Variants in UBE2V2 observed in about 807,000 individuals in gnomAD.
UBE2V2 encodes the protein ubiquitin conjugating enzyme E2 V2.
UBE2V2 carries 9 observed loss-of-function variants against 17.2 expected under a neutral mutation model. The observed-to-expected ratio is 0.52, with a 90% CI of 0.32 to 0.91. UBE2V2 has a LOEUF of 0.91. Ranked by LOEUF, UBE2V2 falls within the 40% of genes least tolerant of loss-of-function variation. The probability of loss-of-function intolerance (pLI) is 0.04; values close to 1 mark genes in which losing one functional copy is unlikely to be tolerated. For missense variants in UBE2V2, 133 were observed against 182.6 expected (o/e 0.73, Z 1.56); for synonymous variants, 61 against 57.5 (o/e 1.06, Z -0.28).
chr8:48,020,427 T>G (rs2091297238), intron 1 of UBE2V2, among the ~76,000 whole-genome samples: 1 of 152,168 alleles, frequency 6.6e-6, no homozygotes, highest in East Asian at 1.9e-4. Flanking sequence ...CAGCATATAG[T>G]TGGGTCTTGT....
chr8:48,046,214 C>T (rs915461727), intron 2 of UBE2V2, among the ~76,000 whole-genome samples: 6 of 151,954 alleles, frequency 3.9e-5, no homozygotes, highest in East Asian at 3.9e-4. Flanking sequence ...CTGCCTCCCG[C>T]GTTCATACCA....
intron 1 of UBE2V2, among the ~76,000 whole-genome samples, chr8:48,030,554 C>T (rs2091375379): frequency 6.6e-6 from 1 of 152,172 alleles, no homozygotes; most frequent in South Asian, 2.1e-4. Context: ...AACCCTGTCT[C>T]TACTAAAAAT....
chr8:48,040,184 C>G (rs2091452145), intron 1 of UBE2V2, among the ~76,000 whole-genome samples: 1 of 152,024 alleles, frequency 6.6e-6, no homozygotes, highest in Admixed American at 6.6e-5. Flanking sequence ...TGTACTCTCT[C>G]TTCCCCCCTC....
chr8:48,059,448 G>A (rs1038374554), intron 3 of UBE2V2, among the ~76,000 whole-genome samples: 3 of 151,164 alleles, frequency 2.0e-5, no homozygotes, highest in Non-Finnish European at 2.9e-5. Context: ...TCAGTCTGTC[G>A]CCCAGGCTGG....
In UBE2V2 at chr8:48,063,937, A is replaced by C. The variant is rs1466404208; in HGVS notation, c.*3109A>C. The C allele has an allele frequency of 3.9e-5, 6 of 152,216 alleles. No individual in the cohort carries two copies. The East Asian group carries it at 1.2e-3, about 29-fold the overall frequency. 9.4% of individuals were successfully genotyped at this position (152,216 alleles called of 1,614,324 possible). A position where few individuals can be genotyped will look rare whatever the true frequency, so the allele number is the denominator to read the frequency against. On this transcript the variant is annotated 3_prime_UTR_variant, in exon 4 of 4. Coordinates refer to ENST00000523111, the MANE Select transcript of UBE2V2 (RefSeq NM_003350.3). ...ATGTGAAATTAATATTGTTTGGAAA[A>C]TGTAGAGGACACAGCTGGGAATTAT... is the stretch of plus-strand genomic sequence containing the variant.
rs576379055 is a variant in UBE2V2, at chr8:48,057,490, CGGG to C, written c.292-3189_292-3187del. Among the ~76,000 whole-genome samples, 55 of 151,268 alleles carry C rather than the reference CGGG, an allele frequency of 3.6e-4. 1 individual carries two copies. The East Asian group carries it at 1.0e-2, about 27-fold the overall frequency. ...CTAATTTTTGTATTTTTAGTAGAGA[CGGG>C]GGTTTTGCCATGTTGGCCAGGCTGG... is the stretch of plus-strand genomic sequence containing the variant. On this transcript the variant is annotated intron_variant, in intron 3 of 3. Transcript: ENST00000523111.
At chr8:48,031,015 G>A (rs184264667) in intron 1 of UBE2V2, among the ~76,000 whole-genome samples, 193 of 152,070 alleles carry the variant, frequency 1.3e-3, no homozygotes, top group Non-Finnish European at 2.4e-3. Flanking sequence ...GCCACAGAGC[G>A]AGACTCTGTC....
At chr8:48,026,066 C>T (rs1461715611) in intron 1 of UBE2V2, among the ~76,000 whole-genome samples, 10 of 151,822 alleles carry the variant, frequency 6.6e-5, no homozygotes, top group Non-Finnish European at 1.5e-4. Context: ...CTAAAGTGAC[C>T]CTTTAGAATA....
At position 48,043,044 on chromosome 8, in the gene UBE2V2, C is replaced by G; in HGVS notation, c.28C>G (p.Pro10Ala). The G allele has an allele frequency of 6.4e-7, 1 of 1,564,930 alleles. No homozygotes were observed. The highest frequency in any genetic ancestry group is 8.7e-7 in the Non-Finnish European group (1 of 1,154,192). Residue 10 changes from proline (P) to alanine (A), a missense_variant, in exon 2 of 4, where the codon CCT becomes GCT. This residue lies in a region of UBE2V2 where 27 missense variants were observed against 20.1 expected (regional missense o/e 1.34). Coordinates refer to ENST00000523111, the MANE Select transcript of UBE2V2 (RefSeq NM_003350.3). The part of the protein sequence containing the change: MAVSTGVKV[P>A]RNFRLLEELE... ...GTTCTTTTGTATAGGAGTTAAAGTT[C>G]CTCGTAATTTTCGCTTGTTGGAAGA...
intron 1 of UBE2V2, among the ~76,000 whole-genome samples, chr8:48,030,873 T>C (rs527267017): frequency 2.5e-4 from 38 of 151,982 alleles, no homozygotes; most frequent in Admixed American, 5.9e-4. Context: ...AATACAAAAA[T>C]TAGCCAGGAG....
chr8:48,038,379 G>A (rs920636659), intron 1 of UBE2V2, among the ~76,000 whole-genome samples: 1 of 151,986 alleles, frequency 6.6e-6, no homozygotes, highest in Non-Finnish European at 1.5e-5. Context: ...GTGTAGTGGC[G>A]TGATCTTGGC....
intron 1 of UBE2V2, among the ~76,000 whole-genome samples, chr8:48,027,558 G>A (rs908185781): frequency 6.6e-6 from 1 of 152,144 alleles, no homozygotes; most frequent in Non-Finnish European, 1.5e-5. Flanking sequence ...GGAATGTAGT[G>A]GTGCAGTCTT....
At chr8:47,999,276 G>A in the UBE2V2 span, among the ~76,000 whole-genome samples, 3 of 152,040 alleles carry the variant, frequency 2.0e-5, no homozygotes, top group Non-Finnish European at 2.9e-5. Context: ...GAACTGAGGA[G>A]AGCAAAGATC....
At chr8:48,037,377 C>A (rs756205787) in intron 1 of UBE2V2, among the ~76,000 whole-genome samples, 1 of 152,220 alleles carries the variant, frequency 6.6e-6, no homozygotes, top group Admixed American at 6.5e-5. Flanking sequence ...TGCCTCTTCT[C>A]CCCAGGGCAG....
chr8:48,011,485 C>T (rs1228928790), intron 1 of UBE2V2, among the ~76,000 whole-genome samples: 1 of 152,156 alleles, frequency 6.6e-6, no homozygotes, highest in Non-Finnish European at 1.5e-5. Context: ...GTCTAATACA[C>T]GTGTTTTTTA....
At chr8:48,045,549 T>C (rs1441190591) in intron 2 of UBE2V2, among the ~76,000 whole-genome samples, 2 of 152,160 alleles carry the variant, frequency 1.3e-5, no homozygotes, top group Non-Finnish European at 2.9e-5. Context: ...TAGGGTCTGC[T>C]TCAGGGGAGA....
intron 3 of UBE2V2, among the ~76,000 whole-genome samples, chr8:48,060,258 G>A (rs1043832289): frequency 2.0e-5 from 3 of 149,428 alleles, no homozygotes; most frequent in East Asian, 1.9e-4. Context: ...GGAATAGTGC[G>A]TAGAATACAT....
At chr8:48,038,050 CTCTT>C (rs1438102852) in intron 1 of UBE2V2, among the ~76,000 whole-genome samples, 4 of 152,222 alleles carry the variant, frequency 2.6e-5, no homozygotes, top group Admixed American at 2.0e-4. Flanking sequence ...CATTCTCTCT[CTCTT>C]TTGTAATGTC....
Position 48,044,654 on chromosome 8 carries a change from A to T in UBE2V2, c.165+1473A>T, listed in dbSNP as rs2091486357. Among the ~76,000 whole-genome samples the T allele has an allele frequency of 2.6e-5, 4 of 152,164 alleles. No individual in the cohort carries two copies. The South Asian group carries it at 8.3e-4, about 32-fold the overall frequency. On this transcript the variant is annotated intron_variant, in intron 2 of 3. Coordinates refer to ENST00000523111, the MANE Select transcript of UBE2V2 (RefSeq NM_003350.3). The stretch of plus-strand genomic sequence containing the variant: ...AAGGAAATATAATGTTGATATGTTG[A>T]TGGATAGAGTTCCATATGACTTGGT...
Sources: gnomAD v4.1 joint callset for allele counts (sites outside exome capture counted in the v4.1 genomes callset) on GRCh38, gnomAD v4.1.1 for gene constraint, gnomAD v4.1.1 regional missense constraint, MANE v1.5 for transcripts, NCBI Gene and HGNC (gene_info 2026-07-23, HGNC 2026-07-21) for gene names.